The following MAGI2 variants were observed in gnomAD, a reference collection of about 807,000 sequenced individuals.
MAGI2 encodes membrane-associated guanylate kinase, WW and PDZ domain-containing protein 2.
MAGI2 carries 35 observed loss-of-function variants against 133.3 expected under a neutral mutation model. The observed-to-expected ratio is 0.26, with a 90% CI of 0.20 to 0.35. The LOEUF is 0.35. MAGI2 is among the 10% of genes least tolerant of loss of function. The probability of loss-of-function intolerance (pLI) is 1.00; values close to 1 mark genes in which losing one functional copy is unlikely to be tolerated. For missense variants in MAGI2, 1,636 were observed against 1,863.4 expected (o/e 0.88, Z 2.25); for synonymous variants, 729 against 710.6 (o/e 1.03, Z -0.41).
intron 6 of MAGI2, among the ~76,000 whole-genome samples, chr7:78,458,938 A>C (rs10266615): frequency 0.064 from 9,696 of 152,236 alleles, 511 homozygotes; most frequent in African/African-American, 0.15. Context: ...CGGGCTCATT[A>C]CTTTTTTTCT....
chr7:78,895,209 C>G (rs1797108844), intron 2 of MAGI2, among the ~76,000 whole-genome samples: 1 of 152,150 alleles, frequency 6.6e-6, no homozygotes, highest in African/African-American at 2.4e-5. Context: ...TCTTGGTGCT[C>G]TCTTGCCATG....
At position 78,314,656 on chromosome 7, in the gene MAGI2, C is replaced by T. The variant is rs189496317; in HGVS notation, c.1408+29122G>A. 2.3e-3 allele frequency among the ~76,000 whole-genome samples: 354 copies of T among 152,282 alleles called. 2 individuals are homozygous for T. The highest frequency in any genetic ancestry group is 5.6e-3 in the Admixed American group (85 of 15,282). On this transcript the variant is annotated intron_variant, in intron 9 of 21. Transcript: ENST00000354212. ...GCCTCTGAGTTGATTGTTTTTCAGC[C>T]TATTACTTTTTGTTCAGTAACTTTA...
chr7:78,227,238 C>T (rs1377655902), intron 10 of MAGI2, among the ~76,000 whole-genome samples: 2 of 152,150 alleles, frequency 1.3e-5, no homozygotes, highest in Non-Finnish European at 2.9e-5. Flanking sequence ...ATTTTTCTAA[C>T]ACATGTTCTT....
At chr7:79,390,505 C>A (rs543263945) in intron 1 of MAGI2, among the ~76,000 whole-genome samples, 1 of 152,070 alleles carries the variant, frequency 6.6e-6, no homozygotes, top group Non-Finnish European at 1.5e-5. Flanking sequence ...ATGACATTCA[C>A]AAATTATATC....
intron 6 of MAGI2, among the ~76,000 whole-genome samples, chr7:78,404,805 C>T (rs1219589728): frequency 6.6e-6 from 1 of 152,028 alleles, no homozygotes; most frequent in Non-Finnish European, 1.5e-5. Flanking sequence ...CAACAAAAAC[C>T]AAAATTGACA....
intron 8 of MAGI2, 148 bp downstream of exon 8, chr7:78,345,774 T>G (rs1338035661): frequency 1.7e-6 from 2 of 1,152,990 alleles, no homozygotes; most frequent in African/African-American, 3.1e-5. Flanking sequence ...TTAGAGAGAA[T>G]GCAAACATCC....
chr7:78,058,524 T>C (rs550910635), intron 21 of MAGI2, among the ~76,000 whole-genome samples: 1 of 151,320 alleles, frequency 6.6e-6, no homozygotes, highest in Non-Finnish European at 1.5e-5. Flanking sequence ...CAGGCTGGTG[T>C]GCAATGGCGT....
At chr7:78,988,200 AT>A (rs1290669247) in intron 2 of MAGI2, among the ~76,000 whole-genome samples, 3 of 152,198 alleles carry the variant, frequency 2.0e-5, no homozygotes, top group Middle Eastern at 3.4e-3. Flanking sequence ...ATTTACATCC[AT>A]GTCCAGAACT....
chr7:78,897,778 C>G (rs913033279), intron 2 of MAGI2, among the ~76,000 whole-genome samples: 6 of 152,014 alleles, frequency 3.9e-5, no homozygotes, highest in South Asian at 2.1e-4. Flanking sequence ...GAAAGTTTTT[C>G]CATTTGTTTG....
chr7:79,416,893 C>T (rs1467496587), intron 1 of MAGI2, among the ~76,000 whole-genome samples: 1 of 151,454 alleles, frequency 6.6e-6, no homozygotes, highest in Middle Eastern at 3.4e-3. Context: ...CGCCACCATG[C>T]CTGAAAAATT....
At chr7:79,314,363 C>T (rs1300972416) in intron 1 of MAGI2, among the ~76,000 whole-genome samples, 1 of 152,162 alleles carries the variant, frequency 6.6e-6, no homozygotes, top group African/African-American at 2.4e-5. Flanking sequence ...CCTGCCTTGG[C>T]CTCCCAAAGT....
intron 3 of MAGI2, among the ~76,000 whole-genome samples, chr7:78,595,700 GA>G (rs1228203482): frequency 6.6e-6 from 1 of 152,166 alleles, no homozygotes; most frequent in Non-Finnish European, 1.5e-5. Flanking sequence ...TGGAGAATAA[GA>G]AATGCAAATA....
At chr7:79,151,638 T>C (rs187841342) in intron 1 of MAGI2, among the ~76,000 whole-genome samples, 1 of 152,274 alleles carries the variant, frequency 6.6e-6, no homozygotes, top group East Asian at 1.9e-4. Context: ...TTACATACAG[T>C]CATTTTCTGA....
intron 3 of MAGI2, among the ~76,000 whole-genome samples, chr7:78,608,231 G>A (rs1290067869): frequency 1.3e-5 from 2 of 151,950 alleles, no homozygotes; most frequent in Non-Finnish European, 2.9e-5. Flanking sequence ...GGTGGGGGTG[G>A]AGTCATAGCA....
chr7:78,345,337 G>A (rs2151189515), intron 8 of MAGI2: 1 of 152,496 alleles, frequency 6.6e-6, no homozygotes, highest in East Asian at 1.9e-4. Flanking sequence ...AGGCTGTTTT[G>A]TGCTTTTATT....
intron 2 of MAGI2, among the ~76,000 whole-genome samples, chr7:78,802,596 T>C (rs1788165636): frequency 6.6e-6 from 1 of 152,162 alleles, no homozygotes. Context: ...GCAGTGAAAC[T>C]ACTCAGTATA....
intron 3 of MAGI2, among the ~76,000 whole-genome samples, chr7:78,590,481 G>A (rs891854553): frequency 5.9e-5 from 9 of 152,108 alleles, no homozygotes; most frequent in Non-Finnish European, 1.0e-4. Flanking sequence ...AGGCATTTGC[G>A]GAATAGCAAT....
chr7:78,352,742 T>C (rs2151208393), intron 7 of MAGI2: 1 of 152,312 alleles, frequency 6.6e-6, no homozygotes, highest in South Asian at 2.1e-4. Context: ...CACACTAGGT[T>C]GAGCTTCTCA....
At chr7:78,334,092 C>G (rs916999484) in intron 9 of MAGI2, among the ~76,000 whole-genome samples, 1 of 152,170 alleles carries the variant, frequency 6.6e-6, no homozygotes, top group African/African-American at 2.4e-5. Flanking sequence ...ACTTCTTAGG[C>G]TTTCTTGCAG....
Sources: gnomAD v4.1 joint callset for allele counts (sites outside exome capture counted in the v4.1 genomes callset) on GRCh38, gnomAD v4.1.1 for gene constraint, MANE v1.5 for transcripts, NCBI Gene and HGNC (gene_info 2026-07-23, HGNC 2026-07-21) for gene names.